PCDH7: variants seen among roughly 807,000 people sequenced by gnomAD.
PCDH7 encodes the protein protocadherin-7.
Under a neutral mutation model 58.9 loss-of-function variants are expected in PCDH7, and 17 were observed. The observed-to-expected ratio is 0.29, with a 90% confidence interval of 0.20 to 0.43. PCDH7 has a LOEUF of 0.43. PCDH7 is among the 20% of genes least tolerant of loss of function. The pLI, the probability that PCDH7 is intolerant of heterozygous loss-of-function variation, is 1.00. For missense variants in PCDH7, 1,274 were observed against 1,441.0 expected, an observed-to-expected ratio of 0.88 and a Z score of 1.88; for synonymous variants, 664 against 616.4, an observed-to-expected ratio of 1.08 and a Z score of -1.14.
In PCDH7 at chr4:30,839,199, A is replaced by G. The variant is rs1219841365; in HGVS notation, c.71-80954A>G. 2.6e-5 allele frequency among the ~76,000 whole-genome samples: 4 copies of G among 152,044 alleles called. No homozygotes were observed. In the East Asian group the frequency reaches 7.7e-4, roughly 29 times the overall value. ...ACTCTCTCTATATATATGTGTGTACATAACCAATTAATAATTACTAAGTAT... is the reference window on the plus strand; with the variant it reads ...ACTCTCTCTATATATATGTGTGTACGTAACCAATTAATAATTACTAAGTAT... On this transcript the variant is annotated intron_variant, in intron 1 of 3. Transcript: ENST00000509759.
intron 1 of PCDH7, among the ~76,000 whole-genome samples, chr4:30,793,345 A>G (rs2109300410): frequency 6.6e-6 from 1 of 152,306 alleles, no homozygotes; most frequent in South Asian, 2.1e-4. Context: ...ATTTGGATTA[A>G]AGAGCATGAT....
intron 1 of PCDH7, among the ~76,000 whole-genome samples, chr4:30,727,739 G>T (rs181456671): frequency 6.6e-6 from 1 of 151,720 alleles, no homozygotes; most frequent in African/African-American, 2.4e-5. Flanking sequence ...AAAGGCATAC[G>T]CATTCTATTT....
downstream of PCDH7, among the ~76,000 whole-genome samples, chr4:30,734,482 C>T (rs60684999): frequency 0.11 from 17,100 of 152,186 alleles, 1,358 homozygotes; most frequent in East Asian, 0.3. Flanking sequence ...GATCCACTCA[C>T]CTTGGCCTCC....
At chr4:30,724,869 C>A (rs1714384084) in intron 1 of PCDH7, 1 of 1,238,630 alleles carries the variant, frequency 8.1e-7, no homozygotes, top group Non-Finnish European at 1.0e-6. Flanking sequence ...CACTTGACAT[C>A]CCTAATTCAT....
In PCDH7 at chr4:31,079,309, GATATATATAT is replaced by G. The variant is rs149501069; in HGVS notation, c.*8-63118_*8-63109del. On this transcript the variant is annotated intron_variant, in intron 3 of 3. Coordinates refer to the PCDH7 transcript ENST00000509759. ...GTAAAAGATATTTACAATACTGGAA[GATATATATAT>G]ATATATATATATATATATATATATA... 5.8e-3 allele frequency among the ~76,000 whole-genome samples: 388 copies of G among 67,304 alleles called. 4 individuals carry two copies. Among genetic ancestry groups the G allele is most frequent in the Middle Eastern group, 0.013 (1 of 76 alleles). The allele number at this position is 67,304 out of a possible 152,430, so 44.2% of individuals were successfully genotyped here. A position where few individuals can be genotyped will look rare whatever the true frequency, so the allele number is the denominator to read the frequency against.
rs530219005 is a variant in PCDH7 at position 31,056,193 on chromosome 4, A to G, written c.*8-86280A>G. Among the ~76,000 whole-genome samples the G allele has an allele frequency of 2.0e-3, 308 of 150,786 alleles. 1 individual carries two copies. Among genetic ancestry groups the G allele is most frequent in the African/African-American group, 6.9e-3 (284 of 41,032 alleles). ...AGACCAGCCTGGGCAATGTGGGGAA[A>G]CCCCATCTTTAAAAAAATACAAAAA... On this transcript the variant is annotated intron_variant, in intron 3 of 3. Transcript: ENST00000509759.
intron 3 of PCDH7, among the ~76,000 whole-genome samples, chr4:30,972,718 C>A (rs1326179121): frequency 1.3e-5 from 2 of 152,134 alleles, no homozygotes; most frequent in African/African-American, 4.8e-5. Context: ...TCGCCCACAC[C>A]CTAAGCTTCA....
chr4:31,025,326 G>T lies in PCDH7; in HGVS notation c.*7+75111G>T, dbSNP rs944405513. ...TAGCTACGAAAAGCTAAATGAAATGGCTGTTAGTATACAAACAGCATTAGG... is the reference window on the plus strand; with the variant it reads ...TAGCTACGAAAAGCTAAATGAAATGTCTGTTAGTATACAAACAGCATTAGG... On this transcript the variant is annotated intron_variant, in intron 3 of 3. Transcript: ENST00000509759. 2.6e-5 allele frequency among the ~76,000 whole-genome samples: 4 copies of T among 152,140 alleles called. No homozygotes were observed. In the East Asian group the frequency reaches 7.7e-4, roughly 29 times the overall value.
chr4:31,118,552 A>T (rs531886495), intron 3 of PCDH7, among the ~76,000 whole-genome samples: 1 of 152,172 alleles, frequency 6.6e-6, no homozygotes, highest in East Asian at 1.9e-4. Flanking sequence ...AAGAAAAAAA[A>T]GAAGAACAAA....
chr4:31,033,498 A>G (rs1003539019), intron 3 of PCDH7, among the ~76,000 whole-genome samples: 1 of 152,202 alleles, frequency 6.6e-6, no homozygotes, highest in African/African-American at 2.4e-5. Context: ...ATTTGCTTCA[A>G]CATGCTAACT....
At chr4:30,874,927 A>G (rs146683145) in intron 1 of PCDH7, among the ~76,000 whole-genome samples, 4 of 151,970 alleles carry the variant, frequency 2.6e-5, no homozygotes, top group African/African-American at 9.7e-5. Flanking sequence ...TCCTGAATAT[A>G]TACTGGCGCT....
At chr4:31,038,911 C>T (rs1755624714) in intron 3 of PCDH7, among the ~76,000 whole-genome samples, 1 of 152,120 alleles carries the variant, frequency 6.6e-6, no homozygotes, top group Non-Finnish European at 1.5e-5. Flanking sequence ...AGATAAGTTA[C>T]TTTAAGTCGA....
rs1429724886 is a variant in PCDH7 at position 30,738,462 on chromosome 4, A to G, written c.70+13866A>G. Among the ~76,000 whole-genome samples, 3 of 151,984 alleles carry G rather than the reference A, an allele frequency of 2.0e-5. No homozygotes were observed. The East Asian group carries it at 5.8e-4, about 29-fold the overall frequency. On this transcript the variant is annotated intron_variant, in intron 1 of 3. Coordinates refer to the PCDH7 transcript ENST00000509759. Reference sequence around the variant, plus strand: ...ATATATGAATCTATACTACGTTTGCATGGGCATCAAATTTAAAATACATTG... The same window carrying G: ...ATATATGAATCTATACTACGTTTGCGTGGGCATCAAATTTAAAATACATTG...
intron 1 of PCDH7, among the ~76,000 whole-genome samples, chr4:30,745,901 G>A (rs553780405): frequency 1.3e-5 from 2 of 152,122 alleles, no homozygotes; most frequent in East Asian, 1.9e-4. Context: ...GTGCAGTGGC[G>A]TGATCTCAGC....
chr4:30,907,449 C>T (rs1004456301), intron 1 of PCDH7, among the ~76,000 whole-genome samples: 6 of 152,134 alleles, frequency 3.9e-5, no homozygotes, highest in Admixed American at 2.6e-4. Flanking sequence ...AGAATATGAA[C>T]GGACACTTCT....
intron 3 of PCDH7, among the ~76,000 whole-genome samples, chr4:31,036,337 C>A (rs1183593177): frequency 6.6e-6 from 1 of 152,088 alleles, no homozygotes; most frequent in African/African-American, 2.4e-5. Context: ...AGGTGTGCAC[C>A]ACCACACCCG....
chr4:31,076,895 G>T, intron 3 of PCDH7, among the ~76,000 whole-genome samples: 1 of 152,222 alleles, frequency 6.6e-6, no homozygotes, highest in Non-Finnish European at 1.5e-5. Context: ...AGGGGATTTT[G>T]TAATCCTCAT....
At chr4:31,097,547 CA>C (rs1714196273) in intron 3 of PCDH7, among the ~76,000 whole-genome samples, 2 of 125,068 alleles carry the variant, frequency 1.6e-5, no homozygotes, top group Non-Finnish European at 3.3e-5. Flanking sequence ...AAGAAAGATG[CA>C]CTTACTATGT....
At position 30,894,491 on chromosome 4, in the gene PCDH7, AT is replaced by A. The variant is rs1395286581; in HGVS notation, c.71-25661del. ...AAAAAAAAAAAAAAAAAAAAAAAAA[AT>A]ATATATATATATATATATATATATA... is the stretch of plus-strand genomic sequence containing the variant. On this transcript the variant is annotated intron_variant, in intron 1 of 3. Transcript: ENST00000509759. 4.1e-3 allele frequency among the ~76,000 whole-genome samples: 114 copies of A among 28,070 alleles called. 1 individual carries two copies. The highest frequency in any genetic ancestry group is 6.1e-3 in the Non-Finnish European group (88 of 14,530). 18.4% of individuals were successfully genotyped at this position (28,070 alleles called of 152,430 possible).
Sources: gnomAD v4.1 joint callset for allele counts (sites outside exome capture counted in the v4.1 genomes callset) on GRCh38, gnomAD v4.1.1 for gene constraint, MANE v1.5 for transcripts, NCBI Gene and HGNC (gene_info 2026-07-23, HGNC 2026-07-21) for gene names.